The following KCNT2 variants were observed in gnomAD, a reference collection of about 807,000 sequenced individuals.
KCNT2 encodes the protein potassium channel subfamily T member 2.
A neutral mutation model predicts 153.8 loss-of-function variants in KCNT2; 67 were observed. That is an observed-to-expected ratio of 0.44 (90% CI 0.36 to 0.53). KCNT2 has a LOEUF of 0.53. Ranked by LOEUF, KCNT2 falls within the 20% of genes least tolerant of loss-of-function variation. The probability of loss-of-function intolerance (pLI) is 0.00; values close to 1 mark genes in which losing one functional copy is unlikely to be tolerated. For synonymous variants in KCNT2, 500 were observed against 458.8 expected (o/e 1.09, Z -1.15); for missense variants, 975 against 1,354.8 (o/e 0.72, Z 4.40).
chr1:196,352,165 T>C (rs1203537385), intron 14 of KCNT2, among the ~76,000 whole-genome samples: 9 of 152,002 alleles, frequency 5.9e-5, no homozygotes, highest in Non-Finnish European at 1.0e-4. Flanking sequence ...TCTAAAATTC[T>C]CTTTTTTGGT....
chr1:196,498,561 C>T (rs973540616), intron 1 of KCNT2, among the ~76,000 whole-genome samples: 1 of 152,168 alleles, frequency 6.6e-6, no homozygotes, highest in African/African-American at 2.4e-5. Context: ...AATGGATGCA[C>T]AGAAGTCTTG....
At chr1:196,461,407 G>A (rs939195544) in intron 8 of KCNT2, among the ~76,000 whole-genome samples, 1 of 151,526 alleles carries the variant, frequency 6.6e-6, no homozygotes, top group African/African-American at 2.4e-5. Flanking sequence ...ACTAAAACAG[G>A]AAATCAGTTA....
chr1:196,472,061 A>G (rs1444376794), intron 5 of KCNT2, among the ~76,000 whole-genome samples: 2 of 152,224 alleles, frequency 1.3e-5, no homozygotes, highest in East Asian at 3.9e-4. Context: ...TTTTGCCCAC[A>G]TCTGTCCCTC....
At chr1:196,230,136 G>C (rs772441347) in intron 27 of KCNT2, among the ~76,000 whole-genome samples, 3 of 152,010 alleles carry the variant, frequency 2.0e-5, no homozygotes, top group Non-Finnish European at 4.4e-5. Flanking sequence ...TAGCTAGAGA[G>C]GAGAAGACAA....
At chr1:196,271,712 T>G (rs1658079413) in intron 25 of KCNT2, among the ~76,000 whole-genome samples, 1 of 151,928 alleles carries the variant, frequency 6.6e-6, no homozygotes, top group Non-Finnish European at 1.5e-5. Context: ...ACAGATGAGC[T>G]CAGACTCATT....
chr1:196,500,946 C>T (rs1054380223), intron 1 of KCNT2, among the ~76,000 whole-genome samples: 1 of 151,952 alleles, frequency 6.6e-6, no homozygotes, highest in Non-Finnish European at 1.5e-5. Context: ...CAAACATATG[C>T]CACCATGCTC....
chr1:196,586,448 G>A (rs1662690069), intron 1 of KCNT2, among the ~76,000 whole-genome samples: 1 of 151,892 alleles, frequency 6.6e-6, no homozygotes, highest in South Asian at 2.1e-4. Context: ...TCATTTTGGG[G>A]AAAATTTGTT....
chr1:196,397,816 T>C (rs1432362280), intron 13 of KCNT2, among the ~76,000 whole-genome samples: 1 of 151,500 alleles, frequency 6.6e-6, no homozygotes, highest in Admixed American at 6.6e-5. Flanking sequence ...TGCTAAAATG[T>C]ATTACATTTT....
intron 1 of KCNT2, among the ~76,000 whole-genome samples, chr1:196,514,257 G>T (rs1017722478): frequency 6.6e-6 from 1 of 152,110 alleles, no homozygotes; most frequent in Non-Finnish European, 1.5e-5. Context: ...ATAAAAGTTT[G>T]CTGTTTCCTC....
At chr1:196,554,192 T>G (rs1036440168) in intron 1 of KCNT2, among the ~76,000 whole-genome samples, 6 of 150,368 alleles carry the variant, frequency 4.0e-5, no homozygotes, top group African/African-American at 1.5e-4. Flanking sequence ...GAATTTGAAA[T>G]GAACAATACA....
chr1:196,460,887 A>G (rs1256047095), intron 8 of KCNT2, among the ~76,000 whole-genome samples: 4 of 151,704 alleles, frequency 2.6e-5, no homozygotes, highest in African/African-American at 9.7e-5. Context: ...ACTTCGTCTT[A>G]TTTTGTTTTC....
At chr1:196,385,460 G>A (rs537176226) in intron 13 of KCNT2, among the ~76,000 whole-genome samples, 25 of 152,074 alleles carry the variant, frequency 1.6e-4, no homozygotes, top group Admixed American at 1.6e-3. Flanking sequence ...CTGAGACGTC[G>A]TTACGCAGCA....
chr1:196,336,697 T>C (rs1665069216), intron 16 of KCNT2, among the ~76,000 whole-genome samples: 2 of 152,212 alleles, frequency 1.3e-5, no homozygotes, highest in Non-Finnish European at 2.9e-5. Flanking sequence ...CTTATGAGGG[T>C]GAACAATGAT....
At chr1:196,286,628 CACACACACAT>C (rs1327823431) in intron 22 of KCNT2, among the ~76,000 whole-genome samples, 22 of 143,186 alleles carry the variant, frequency 1.5e-4, no homozygotes, top group African/African-American at 6.5e-4. Context: ...CACACACACA[CACACACACAT>C]ACACACACAC....
At chr1:196,481,219 T>C (rs1169536690) in intron 4 of KCNT2, among the ~76,000 whole-genome samples, 1 of 152,164 alleles carries the variant, frequency 6.6e-6, no homozygotes, top group Non-Finnish European at 1.5e-5. Context: ...TAATTCATTA[T>C]CACATACAAA....
chr1:196,467,274 AC>A (rs1677703758), intron 7 of KCNT2, among the ~76,000 whole-genome samples: 1 of 152,004 alleles, frequency 6.6e-6, no homozygotes. Flanking sequence ...GAAATTCTGA[AC>A]CATTTTTCTT....
At chr1:196,430,299 G>A (rs1053185989) in intron 8 of KCNT2, among the ~76,000 whole-genome samples, 5 of 151,844 alleles carry the variant, frequency 3.3e-5, no homozygotes, top group African/African-American at 9.7e-5. Context: ...ACCATTAAGA[G>A]GTGTTTAGGT....
chr1:196,256,080 C>T (rs965005395), intron 26 of KCNT2, among the ~76,000 whole-genome samples: 3 of 151,906 alleles, frequency 2.0e-5, no homozygotes, highest in Non-Finnish European at 2.9e-5. Flanking sequence ...ATTATATAAG[C>T]ATAAACACAA....
intron 14 of KCNT2, among the ~76,000 whole-genome samples, chr1:196,370,842 A>T (rs529500451): frequency 3.7e-4 from 56 of 152,262 alleles, no homozygotes; most frequent in African/African-American, 1.3e-3. Flanking sequence ...TGATATATCC[A>T]TGCAATGGAA....
Sources: allele counts gnomAD v4.1 joint callset (sites outside exome capture counted in the v4.1 genomes callset), GRCh38; gene constraint gnomAD v4.1.1; transcripts MANE v1.5; gene names NCBI Gene and HGNC (gene_info 2026-07-23, HGNC 2026-07-21).